The following CD58 variants were observed in gnomAD, a reference collection of about 807,000 sequenced individuals.
The protein encoded by CD58 is CD58 molecule.
CD58 carries 14 observed loss-of-function variants against 27.6 expected under a neutral mutation model. The ratio of observed to expected loss-of-function variants is 0.51; its 90% confidence interval spans 0.34 to 0.79. CD58 has a LOEUF of 0.79. Among genes scored for constraint, CD58 ranks in the 30% least tolerant of loss-of-function variants. The probability of loss-of-function intolerance (pLI) is 0.02; values close to 1 mark genes in which losing one functional copy is unlikely to be tolerated. For missense variants in CD58, 268 were observed against 301.7 expected (o/e 0.89, Z 0.83); for synonymous variants, 117 against 103.8 (o/e 1.13, Z -0.77).
At chr1:116,520,269 G>T (rs914185917) in intron 4 of CD58, among the ~76,000 whole-genome samples, 1 of 151,998 alleles carries the variant, frequency 6.6e-6, no homozygotes, top group Non-Finnish European at 1.5e-5. Flanking sequence ...GCACCACCAT[G>T]CCTGGCTAAT....
At chr1:116,549,155 A>T (rs1424331235) in intron 1 of CD58, among the ~76,000 whole-genome samples, 1 of 152,192 alleles carries the variant, frequency 6.6e-6, no homozygotes, top group African/African-American at 2.4e-5. Context: ...CAAGACAGAC[A>T]CCGTCCCTTC....
rs1657124611 is a variant in CD58, at chr1:116,517,708, A to G, written c.743+1523T>C. Among the ~76,000 whole-genome samples, 2 of 152,090 alleles carry G rather than the reference A, an allele frequency of 1.3e-5. No individual in the cohort carries two copies. Among genetic ancestry groups the G allele is most frequent in the African/African-American group, 2.4e-5 (1 of 41,400 alleles). Reference sequence around the variant, plus strand: ...CTGCCTCTTCCCATCACCCTAGGGCATCTAGCTTTTCTTTCTTAGTGACCT... The same window carrying G: ...CTGCCTCTTCCCATCACCCTAGGGCGTCTAGCTTTTCTTTCTTAGTGACCT... On this transcript the variant is annotated intron_variant, in intron 5 of 5. Transcript: ENST00000369489. The surrounding 1 kb of genome is among the most constrained non-coding windows in gnomAD (Gnocchi z 6.5).
At chr1:116,569,513 C>T (rs749608971) in intron 1 of CD58, among the ~76,000 whole-genome samples, 14 of 152,108 alleles carry the variant, frequency 9.2e-5, no homozygotes, top group Admixed American at 2.0e-4. Flanking sequence ...AAATATCCTC[C>T]CTCCCATGAA....
In CD58 at chr1:116,515,730, TAG is replaced by T. The variant is rs1657057275; in HGVS notation, c.744-910_744-909del. Among the ~76,000 whole-genome samples, 1 of 152,298 alleles carries T rather than the reference TAG, an allele frequency of 6.6e-6. No individual in the cohort carries two copies. The highest frequency in any genetic ancestry group is 2.4e-5 in the African/African-American group (1 of 41,566). On this transcript the variant is annotated intron_variant, in intron 5 of 5. Transcript: ENST00000369489. This position sits in a 1 kb window ranked among gnomAD's most constrained non-coding sequence, Gnocchi z 4.6. Reference sequence around the variant, plus strand: ...CTGTAAATCTTTCTTCTCGGAGAAATAGGACTCCCTGCTTCCTTTTTAATTTG... The same window carrying T: ...CTGTAAATCTTTCTTCTCGGAGAAATGACTCCCTGCTTCCTTTTTAATTTG...
At chr1:116,554,741 G>A (rs1658509186) in intron 1 of CD58, among the ~76,000 whole-genome samples, 1 of 151,864 alleles carries the variant, frequency 6.6e-6, no homozygotes, top group Non-Finnish European at 1.5e-5. Flanking sequence ...TGTTACTTTT[G>A]AAGACAAATA....
chr1:116,523,023 T>A lies in CD58; in HGVS notation c.629-1040A>T, dbSNP rs887780892. Reference sequence around the variant, plus strand: ...GGTAGTTGCATTTAAGAACAGCTGTTATATACTGTCATTAACCTATTGAGT... The same window carrying A: ...GGTAGTTGCATTTAAGAACAGCTGTAATATACTGTCATTAACCTATTGAGT... On this transcript the variant is annotated intron_variant, in intron 3 of 5. Transcript: ENST00000369489. This position sits in a 1 kb window ranked among gnomAD's most constrained non-coding sequence, Gnocchi z 4.4. Among the ~76,000 whole-genome samples the A allele has an allele frequency of 3.3e-5, 5 of 152,184 alleles. No homozygotes were observed. Among genetic ancestry groups the A allele is most frequent in the African/African-American group, 1.2e-4 (5 of 41,446 alleles).
intron 2 of CD58, among the ~76,000 whole-genome samples, chr1:116,539,405 G>A (rs756249701): frequency 6.6e-6 from 1 of 152,044 alleles, no homozygotes; most frequent in Non-Finnish European, 1.5e-5. Flanking sequence ...ACAGAGAAAC[G>A]GACTCCTAAA....
At chr1:116,535,845 A>G (rs1657781174) in intron 3 of CD58, 120 bp downstream of exon 3, 1 of 365,008 alleles carries the variant, frequency 2.7e-6, no homozygotes, top group Non-Finnish European at 3.8e-6. Context: ...TGTCTCAAAA[A>G]AAAAAAAAAA....
In CD58 at chr1:116,520,150, A is replaced by G. The variant is rs151151010; in HGVS notation, c.707-883T>C. Among the ~76,000 whole-genome samples the G allele has an allele frequency of 1.2e-3, 188 of 152,282 alleles. 3 individuals carry two copies. The highest frequency in any genetic ancestry group is 4.2e-3 in the African/African-American group (173 of 41,568). On this transcript the variant is annotated intron_variant, in intron 4 of 5. Transcript: ENST00000369489. ...TTTTTGTTTGTTTGTTTTTTGAGAC[A>G]GGGTCTCACTCCATCACCCAGGCTG...
intron 1 of CD58, among the ~76,000 whole-genome samples, chr1:116,549,273 A>G (rs1449993660): frequency 1.3e-5 from 2 of 152,216 alleles, no homozygotes; most frequent in Non-Finnish European, 2.9e-5. Context: ...ATCAGGTGTC[A>G]ATAAGAACAT....
At chr1:116,539,827 G>T (rs557777128) in intron 2 of CD58, among the ~76,000 whole-genome samples, 1 of 152,110 alleles carries the variant, frequency 6.6e-6, no homozygotes, top group Admixed American at 6.5e-5. Context: ...ACAAATATTC[G>T]TTATACCTCT....
intron 1 of CD58, among the ~76,000 whole-genome samples, chr1:116,547,244 T>C (rs995664677): frequency 5.9e-5 from 9 of 152,094 alleles, no homozygotes; most frequent in African/African-American, 2.2e-4. Flanking sequence ...ATATGTTTGG[T>C]TTTCCATTCC....
At chr1:116,562,802 G>GAA (rs1303610010) in intron 1 of CD58, among the ~76,000 whole-genome samples, 5 of 152,254 alleles carry the variant, frequency 3.3e-5, no homozygotes, top group Non-Finnish European at 5.9e-5. Context: ...CCCTGCCCTT[G>GAA]ACACACGGGG....
At chr1:116,565,700 CT>C (rs929607439) in intron 1 of CD58, among the ~76,000 whole-genome samples, 4 of 149,842 alleles carry the variant, frequency 2.7e-5, no homozygotes, top group Non-Finnish European at 4.5e-5. Flanking sequence ...ATCCAAATAA[CT>C]TTTTTTTGTT....
rs938858742 is a variant in CD58, at chr1:116,517,117, C to T, written c.743+2114G>A. On this transcript the variant is annotated intron_variant, in intron 5 of 5. Coordinates refer to ENST00000369489, the MANE Select transcript of CD58 (RefSeq NM_001779.3). The surrounding 1 kb of genome is among the most constrained non-coding windows in gnomAD (Gnocchi z 6.5). ...TAGTGATGGCTATGCCTCCCCCATCCACTCAGAGTTCCCCTCCACTGTAAC... is the reference window on the plus strand; with the variant it reads ...TAGTGATGGCTATGCCTCCCCCATCTACTCAGAGTTCCCCTCCACTGTAAC... Among the ~76,000 whole-genome samples, 2 of 152,118 alleles carry T rather than the reference C, an allele frequency of 1.3e-5. No individual in the cohort carries two copies. The highest frequency in any genetic ancestry group is 2.1e-4 in the South Asian group (1 of 4,824).
rs577221474 is a variant in CD58, at chr1:116,516,225, T to C, written c.744-1403A>G. 6.6e-6 allele frequency among the ~76,000 whole-genome samples: 1 copy of C among 152,224 alleles called. No individual in the cohort carries two copies. Among genetic ancestry groups the C allele is most frequent in the Non-Finnish European group, 1.5e-5 (1 of 68,012 alleles). The stretch of plus-strand genomic sequence containing the variant: ...CCCTTTAGTAACTGAGCTTAGAGAA[T>C]TCCCCCTGCTGCCACAATGGGTTCT... On this transcript the variant is annotated intron_variant, in intron 5 of 5. Transcript: ENST00000369489. This position sits in a 1 kb window ranked among gnomAD's most constrained non-coding sequence, Gnocchi z 6.1.
intron 2 of CD58, among the ~76,000 whole-genome samples, chr1:116,542,320 G>T (rs938718179): frequency 6.6e-6 from 1 of 152,156 alleles, no homozygotes; most frequent in Non-Finnish European, 1.5e-5. Flanking sequence ...TGGTATCCTG[G>T]ATGTCAAGTG....
chr1:116,542,790 A>G (rs61789230), intron 2 of CD58, among the ~76,000 whole-genome samples: 2,136 of 152,324 alleles, frequency 0.014, 25 homozygotes, highest in East Asian at 0.025. Context: ...CATTCATATC[A>G]GGAGAGAAAG....
chr1:116,527,837 CTGATT>C lies in CD58; in HGVS notation c.629-5859_629-5855del, dbSNP rs1221937804. On this transcript the variant is annotated intron_variant, in intron 3 of 5. Coordinates refer to ENST00000369489, the MANE Select transcript of CD58 (RefSeq NM_001779.3). This position sits in a 1 kb window ranked among gnomAD's most constrained non-coding sequence, Gnocchi z 4.4. ...TTTTGGAAGATTATTAATTACTGAT[CTGATT>C]TATTTAAACTGCCAGGCTGAAGTGA... 3.9e-5 allele frequency among the ~76,000 whole-genome samples: 6 copies of C among 152,148 alleles called. No individual in the cohort carries two copies. The highest frequency in any genetic ancestry group is 1.2e-4 in the African/African-American group (5 of 41,408).
Sources: gnomAD v4.1 joint callset for allele counts (sites outside exome capture counted in the v4.1 genomes callset) on GRCh38, gnomAD v4.1.1 for gene constraint, Gnocchi (gnomAD v3.1) non-coding constraint, MANE v1.5 for transcripts, NCBI Gene and HGNC (gene_info 2026-07-23, HGNC 2026-07-21) for gene names.